Variants in CDH15 observed in about 807,000 individuals in gnomAD.
CDH15 encodes the protein cadherin-15.
Under a neutral mutation model 69.4 loss-of-function variants are expected in CDH15, and 73 were observed. The ratio of observed to expected loss-of-function variants is 1.05; its 90% CI spans 0.87 to 1.28. The LOEUF (loss-of-function observed/expected upper bound fraction) is 1.28, where lower values mean the gene tolerates loss of function less well. Among genes scored for constraint, CDH15 ranks in the 50% most tolerant of loss-of-function variants. The pLI, the probability that CDH15 is intolerant of heterozygous loss-of-function variation, is 0.00. For missense variants in CDH15, 1,343 were observed against 1,133.6 expected, an observed-to-expected ratio of 1.18 and a Z score of -2.65; for synonymous variants, 624 against 507.7, an observed-to-expected ratio of 1.23 and a Z score of -3.08.
intron 5 of CDH15, among the ~76,000 whole-genome samples, chr16:89,186,436 A>G (rs1296993880): frequency 7.9e-6 from 1 of 126,184 alleles, no homozygotes. Context: ...GGTGCTCTGT[A>G]AAGGCTCACC....
chr16:89,186,864 T>TACCCAGCGCACAGTAGGTGCTCTGCAAAC (rs1915502037), intron 5 of CDH15, among the ~76,000 whole-genome samples: 3 of 111,282 alleles, frequency 2.7e-5, no homozygotes, highest in Non-Finnish European at 5.7e-5. Flanking sequence ...TGTAAACGCT[T>TACCCAGCGCACAGTAGGTGCTCTGCAAAC]ACCCAGCGCA....
chr16:89,192,591 T>C (rs1278319241), intron 11 of CDH15, 147 bp downstream of exon 11: 1 of 464,466 alleles, frequency 2.2e-6, no homozygotes, highest in Non-Finnish European at 3.7e-6. Flanking sequence ...CGCCGCTTCC[T>C]CCCCAGCTCC....
In CDH15 at chr16:89,195,090, C is replaced by T. The variant is rs1422992638; in HGVS notation, c.2380C>T (p.His794Tyr). 1.2e-6 allele frequency: 2 copies of T among 1,611,404 alleles called. No homozygotes were observed. Among genetic ancestry groups the T allele is most frequent in the Admixed American group, 1.7e-5 (1 of 59,994 alleles). Residue 794 changes from histidine to tyrosine, a missense_variant, in exon 14 of 14, where the codon CAC (histidine) becomes TAC (tyrosine). Coordinates refer to ENST00000289746, the MANE Select transcript of CDH15 (RefSeq NM_004933.3). Reference protein sequence around the residue: ...CGLEYGARWDHQAREGLSPGA... With the variant: ...CGLEYGARWDYQAREGLSPGA... ...GTTGGAGTACGGGGCCAGATGGGAC[C>T]ACCAGGCCAGGGAGGGTCTTTCTCC... is the stretch of plus-strand genomic sequence containing the variant.
intron 13 of CDH15, 57 bp downstream of exon 13, chr16:89,193,970 A>G: frequency 5.1e-6 from 8 of 1,560,680 alleles, no homozygotes; most frequent in Non-Finnish European, 7.0e-6. Flanking sequence ...GCACACACAC[A>G]TGCACATGTA....
chr16:89,172,375 C>A (rs1936396407), intron 1 of CDH15, among the ~76,000 whole-genome samples: 1 of 152,140 alleles, frequency 6.6e-6, no homozygotes, highest in Non-Finnish European at 1.5e-5. Context: ...GCAGGCCCTG[C>A]CCCCAGGAAC....
chr16:89,179,729 C>T (rs897136122), intron 2 of CDH15, among the ~76,000 whole-genome samples, 155 bp downstream of exon 2: 4 of 152,230 alleles, frequency 2.6e-5, no homozygotes, highest in African/African-American at 9.6e-5. Flanking sequence ...TCTGGGCTTC[C>T]AACCTGGGTC....
intron 6 of CDH15, 22 bp downstream of exon 6, chr16:89,187,579 C>T (rs944540446): frequency 1.3e-5 from 21 of 1,612,908 alleles, no homozygotes; most frequent in Admixed American, 3.3e-5. Flanking sequence ...GTCCCTCCCT[C>T]GAAAGTAGCC....
At chr16:89,189,232 CAG>C (rs1483870526) in intron 7 of CDH15, among the ~76,000 whole-genome samples, 1 of 150,348 alleles carries the variant, frequency 6.7e-6, no homozygotes, top group Non-Finnish European at 1.5e-5. Context: ...TGCCCACACA[CAG>C]ATGCTGGCAC....
At chr16:89,189,505 G>A (rs1915591021) in intron 7 of CDH15, among the ~76,000 whole-genome samples, 1 of 152,244 alleles carries the variant, frequency 6.6e-6, no homozygotes, top group South Asian at 2.1e-4. Flanking sequence ...GAGAGAGTGG[G>A]GGAGGGCATG....
intron 1 of CDH15, among the ~76,000 whole-genome samples, chr16:89,173,609 C>T (rs1915201611): frequency 6.6e-6 from 1 of 152,186 alleles, no homozygotes; most frequent in African/African-American, 2.4e-5. Flanking sequence ...ACCCTGCCTG[C>T]CCCTCCCCCA....
intron 10 of CDH15, 120 bp from the exon 11 acceptor site, chr16:89,192,084 TG>T: frequency 7.9e-7 from 1 of 1,271,122 alleles, no homozygotes; most frequent in Non-Finnish European, 1.0e-6. Flanking sequence ...CAGAGGACGG[TG>T]GGGGTGGGGG....
At chr16:89,180,129 T>C (rs1915342727) in intron 2 of CDH15, 71 bp from the exon 3 acceptor site, 2 of 1,556,656 alleles carry the variant, frequency 1.3e-6, no homozygotes, top group Admixed American at 3.5e-5. Flanking sequence ...GGGAGGGGCC[T>C]GAGGGGCTGC....
chr16:89,179,748 G>A (rs1915334617), intron 2 of CDH15, among the ~76,000 whole-genome samples, 174 bp downstream of exon 2: 1 of 152,188 alleles, frequency 6.6e-6, no homozygotes, highest in Non-Finnish European at 1.5e-5. Context: ...TCTAGAGCAG[G>A]GCTCAAACCC....
At chr16:89,189,283 GCACACACAGATGCC>G (rs1209568967) in intron 7 of CDH15, among the ~76,000 whole-genome samples, 2 of 135,026 alleles carry the variant, frequency 1.5e-5, no homozygotes, top group East Asian at 2.2e-4. Flanking sequence ...ACAGATGCCG[GCACACACAGATGCC>G]CACACACAGA....
chr16:89,190,409 C>T lies in CDH15; in HGVS notation c.1145C>T (p.Thr382Ile). The change falls in exon 8 of 14, where the codon ACC becomes ATC. Residue 382 changes from threonine to isoleucine, a missense_variant. Thr to Ile is a moderately conservative substitution (Grantham distance 89). Coordinates refer to ENST00000289746, the MANE Select transcript of CDH15 (RefSeq NM_004933.3). ...PPVFQENPLR[T>I]SLAEGAPPGT... Reference sequence around the variant, plus strand: ...GTGTTCCAGGAGAACCCACTTCGGACCAGCCTAGCAGAGGGGGCACCCCCA... The same window carrying T: ...GTGTTCCAGGAGAACCCACTTCGGATCAGCCTAGCAGAGGGGGCACCCCCA... 6.2e-7 allele frequency: 1 copy of T among 1,612,396 alleles called. No homozygotes were observed. Among genetic ancestry groups the T allele is most frequent in the Non-Finnish European group, 8.5e-7 (1 of 1,179,802 alleles).
intron 4 of CDH15, among the ~76,000 whole-genome samples, chr16:89,184,649 C>A (rs942519349): frequency 6.6e-6 from 1 of 151,850 alleles, no homozygotes; most frequent in African/African-American, 2.4e-5. Context: ...CCTGTCCGTG[C>A]GTCCTCTGTT....
chr16:89,190,601 C>G, intron 8 of CDH15, 105 bp downstream of exon 8: 1 of 1,399,792 alleles, frequency 7.1e-7, no homozygotes, highest in Non-Finnish European at 9.8e-7. Context: ...GTGTAGGGGC[C>G]ATTTGCTGTG....
chr16:89,194,884 A>AC lies in CDH15; in HGVS notation c.2178dup (p.Ser727GlnfsTer12). 1 of 1,606,158 alleles carries AC rather than the reference A, an allele frequency of 6.2e-7. No individual in the cohort carries two copies. The highest frequency in any genetic ancestry group is 1.1e-5 in the South Asian group (1 of 90,030). On this transcript the variant is annotated frameshift_variant, in exon 14 of 14. Coordinates refer to ENST00000289746, the MANE Select transcript of CDH15 (RefSeq NM_004933.3). LOFTEE classifies it low-confidence loss of function (END_TRUNC). ...TAGGGCTTGGAGGCTGCAGATAGTGACCCCAGTGTGCCGCCTTACGACACA... is the reference window on the plus strand; with the variant it reads ...TAGGGCTTGGAGGCTGCAGATAGTGACCCCCAGTGTGCCGCCTTACGACACA...
At chr16:89,185,365 C>T (rs1915461035) in intron 5 of CDH15, 32 bp downstream of exon 5, 4 of 1,569,252 alleles carry the variant, frequency 2.5e-6, no homozygotes, top group South Asian at 1.2e-5. Flanking sequence ...TCCACACCCG[C>T]ACGGCCAGGG....
Sources: allele counts gnomAD v4.1 joint callset (sites outside exome capture counted in the v4.1 genomes callset), GRCh38; gene constraint gnomAD v4.1.1; transcripts MANE v1.5; gene names NCBI Gene and HGNC (gene_info 2026-07-23, HGNC 2026-07-21).